The following TMEM14C variants were observed in gnomAD, a reference collection of about 807,000 sequenced individuals.
The protein encoded by TMEM14C is transmembrane protein 14C.
A neutral mutation model predicts 14.8 loss-of-function variants in TMEM14C; 13 were observed. That is an observed-to-expected ratio of 0.88 (90% CI 0.57 to 1.40). The LOEUF (loss-of-function observed/expected upper bound fraction) is 1.40. Ranked by LOEUF, TMEM14C falls within the 40% of genes most tolerant of loss-of-function variation. The pLI is 0.00. For missense variants in TMEM14C, 142 were observed against 138.8 expected, an observed-to-expected ratio of 1.02 and a Z score of -0.12; for synonymous variants, 57 against 51.3, an observed-to-expected ratio of 1.11 and a Z score of -0.48.
chr6:10,724,560 T>C lies in TMEM14C; in HGVS notation c.-44-10T>C, dbSNP rs960515512. The C allele has an allele frequency of 1.9e-6, 3 of 1,603,750 alleles. No individual in the cohort carries two copies. The highest frequency in any genetic ancestry group is 2.6e-6 in the Non-Finnish European group (3 of 1,172,422). On this transcript the variant is annotated splice_polypyrimidine_tract_variant and intron_variant, in intron 1 of 5. Coordinates refer to ENST00000229563, the MANE Select transcript of TMEM14C (RefSeq NM_016462.4). The stretch of plus-strand genomic sequence containing the variant: ...TTTTAACTACCTCTGATCCAGCTTG[T>C]TTTCTGCAGGTGCAGGCCTGGGGTA...
Position 10,728,719 on chromosome 6 carries a change from A to T in TMEM14C, c.279A>T (p.Ala93=), listed in dbSNP as rs773106447. The T allele has an allele frequency of 1.9e-5, 30 of 1,614,106 alleles. No homozygotes were observed. The highest frequency in any genetic ancestry group is 1.8e-5 in the Non-Finnish European group (21 of 1,180,038). The change falls in exon 5 of 6, where the codon GCA becomes GCT. Residue 93 remains alanine (A), a synonymous_variant. Transcript: ENST00000229563. The part of the protein sequence containing the change: ...SGKFMPAGLI[A]GASLLMVAKV... ...AATTCATGCCTGCAGGTTTAATTGC[A>T]GGTGCCAGGTACTTTCATTCTATTA...
intron 1 of TMEM14C, among the ~76,000 whole-genome samples, chr6:10,723,835 C>G (rs1432331794): frequency 1.3e-5 from 2 of 152,064 alleles, no homozygotes; most frequent in African/African-American, 4.8e-5. Context: ...AACTCCTAAC[C>G]CCAGGTGATC....
At chr6:10,725,386 A>G (rs1461243285) in intron 3 of TMEM14C, among the ~76,000 whole-genome samples, 3 of 152,154 alleles carry the variant, frequency 2.0e-5, no homozygotes, top group Middle Eastern at 3.2e-3. Context: ...ACAGACTGGT[A>G]TTTTGAACTC....
intron 5 of TMEM14C, chr6:10,728,983 T>A: frequency 1.3e-6 from 1 of 766,846 alleles, no homozygotes; most frequent in Middle Eastern, 3.7e-4. Context: ...CCTCCCTATA[T>A]GGTGGCAGAA....
At chr6:10,728,601 G>A (rs1770935744) in intron 4 of TMEM14C, 39 bp from the exon 5 acceptor site, 1 of 1,602,736 alleles carries the variant, frequency 6.2e-7, no homozygotes, top group Non-Finnish European at 8.5e-7. Flanking sequence ...CGTAGAAGAT[G>A]TAATGAGTTT....
intron 3 of TMEM14C, among the ~76,000 whole-genome samples, chr6:10,725,298 T>C (rs991835750): frequency 6.6e-5 from 10 of 152,182 alleles, no homozygotes; most frequent in African/African-American, 2.4e-4. Flanking sequence ...AGTTTGTTAT[T>C]ATCGTTGACT....
chr6:10,724,287 C>G (rs1408485651), intron 1 of TMEM14C: 1 of 294,924 alleles, frequency 3.4e-6, no homozygotes, highest in Non-Finnish European at 6.3e-6. Flanking sequence ...TAGAGCTGGT[C>G]AGTGGATCTT....
chr6:10,724,641 C>T lies in TMEM14C; in HGVS notation c.20+8C>T, dbSNP rs1435418877. Reference sequence around the variant, plus strand: ...GCAGGACACTGGCTCAGTGTGAGTGCAGTAAATGGGTATGGAGTAGCCAGG... The same window carrying T: ...GCAGGACACTGGCTCAGTGTGAGTGTAGTAAATGGGTATGGAGTAGCCAGG... On this transcript the variant is annotated splice_region_variant and intron_variant, in intron 2 of 5. Transcript: ENST00000229563. The T allele has an allele frequency of 2.5e-6, 4 of 1,611,644 alleles. No individual in the cohort carries two copies. The highest frequency in any genetic ancestry group is 2.2e-5 in the East Asian group (1 of 44,870).
At chr6:10,723,428 C>T (rs1353185286) in intron 1 of TMEM14C, among the ~76,000 whole-genome samples, 187 bp downstream of exon 1, 1 of 152,062 alleles carries the variant, frequency 6.6e-6, no homozygotes, top group Non-Finnish European at 1.5e-5. Context: ...AGCCCCTGGG[C>T]TCCTGAGGCA....
intron 4 of TMEM14C, among the ~76,000 whole-genome samples, chr6:10,726,404 A>C (rs1385885136): frequency 6.6e-6 from 1 of 152,228 alleles, no homozygotes; most frequent in African/African-American, 2.4e-5. Flanking sequence ...TTTAGCAGTT[A>C]GCTAAATGTG....
At chr6:10,728,127 A>G (rs1211656371) in intron 4 of TMEM14C, among the ~76,000 whole-genome samples, 1 of 152,130 alleles carries the variant, frequency 6.6e-6, no homozygotes, top group East Asian at 1.9e-4. Flanking sequence ...GCCAATCTTC[A>G]CTTTTTTGTC....
intron 4 of TMEM14C, 73 bp from the exon 5 acceptor site, chr6:10,728,567 C>T: frequency 1.3e-6 from 2 of 1,504,406 alleles, no homozygotes; most frequent in Non-Finnish European, 1.8e-6. Context: ...ATGGGTGGGG[C>T]TTGGCCCACT....
intron 5 of TMEM14C, 128 bp from the exon 6 acceptor site, chr6:10,730,487 C>G: frequency 2.5e-6 from 2 of 811,726 alleles, no homozygotes; most frequent in Non-Finnish European, 3.7e-6. Flanking sequence ...AAATTTACCC[C>G]TGACCACTCT....
At chr6:10,727,184 C>T (rs747166589) in intron 4 of TMEM14C, among the ~76,000 whole-genome samples, 1 of 152,170 alleles carries the variant, frequency 6.6e-6, no homozygotes, top group Non-Finnish European at 1.5e-5. Flanking sequence ...CTGTTTCCCT[C>T]CTCTCCAACA....
chr6:10,728,315 G>C (rs1263369080), intron 4 of TMEM14C, among the ~76,000 whole-genome samples: 1 of 151,558 alleles, frequency 6.6e-6, no homozygotes, highest in African/African-American at 2.4e-5. Context: ...AGAGGAAGTA[G>C]CGTCTGCAGG....
chr6:10,724,672 C>T (rs1486054169), intron 2 of TMEM14C, 39 bp downstream of exon 2: 1 of 1,599,756 alleles, frequency 6.3e-7, no homozygotes, highest in Non-Finnish European at 8.5e-7. Context: ...CCAGGAGCTT[C>T]TGGAAACCAG....
chr6:10,729,978 A>C (rs1314003633), intron 5 of TMEM14C, among the ~76,000 whole-genome samples: 1 of 152,106 alleles, frequency 6.6e-6, no homozygotes, highest in African/African-American at 2.4e-5. Context: ...CACACCTGTA[A>C]TCACAGCTAC....
chr6:10,728,966 C>G (rs987670581), intron 5 of TMEM14C: 13 of 871,562 alleles, frequency 1.5e-5, no homozygotes, highest in Non-Finnish European at 2.2e-5. Flanking sequence ...TCCAGTCCAT[C>G]CAAACTCCTC....
intron 5 of TMEM14C, among the ~76,000 whole-genome samples, chr6:10,729,345 G>C (rs1050020956): frequency 1.3e-5 from 2 of 152,060 alleles, no homozygotes; most frequent in Non-Finnish European, 2.9e-5. Flanking sequence ...ACATTGGCCA[G>C]GCTGGTCTGG....
Sources: gnomAD v4.1 joint callset for allele counts (sites outside exome capture counted in the v4.1 genomes callset) on GRCh38, gnomAD v4.1.1 for gene constraint, MANE v1.5 for transcripts, NCBI Gene and HGNC (gene_info 2026-07-23, HGNC 2026-07-21) for gene names.